The following SORCS1 variants were observed in gnomAD, a reference collection of about 807,000 sequenced individuals.
SORCS1 encodes VPS10 domain-containing receptor SorCS1.
A neutral mutation model predicts 146.1 loss-of-function variants in SORCS1; 60 were observed. The observed-to-expected ratio is 0.41, with a 90% CI of 0.33 to 0.51. The LOEUF (loss-of-function observed/expected upper bound fraction) is 0.51, where lower values mean the gene tolerates loss of function less well. Ranked by LOEUF, SORCS1 falls within the 20% of genes least tolerant of loss-of-function variation. SORCS1 has a pLI of 0.21. For synonymous variants in SORCS1, 637 were observed against 584.0 expected (o/e 1.09, Z -1.31); for missense variants, 1,352 against 1,487.6 (o/e 0.91, Z 1.50).
chr10:106,973,639 T>C (rs1396553111), intron 1 of SORCS1, among the ~76,000 whole-genome samples: 1 of 152,218 alleles, frequency 6.6e-6, no homozygotes, highest in Admixed American at 6.5e-5. Context: ...ATCTATTTTC[T>C]TGAAAATTGA....
intron 19 of SORCS1, 90 bp from the exon 20 acceptor site, chr10:106,620,651 T>C: frequency 4.7e-5 from 68 of 1,461,460 alleles, no homozygotes; most frequent in Non-Finnish European, 6.2e-5. Context: ...CATTTACTCT[T>C]GAAGCCCCCA....
chr10:106,828,894 A>C (rs11193066), intron 3 of SORCS1, among the ~76,000 whole-genome samples: 5,857 of 152,214 alleles, frequency 0.038, 288 homozygotes, highest in East Asian at 0.23. Context: ...AAGACGCCTT[A>C]ACTCTAGTCC....
At chr10:106,636,292 A>G (rs1296646603) in intron 18 of SORCS1, among the ~76,000 whole-genome samples, 1 of 152,084 alleles carries the variant, frequency 6.6e-6, no homozygotes, top group Non-Finnish European at 1.5e-5. Flanking sequence ...AAGGAAAACA[A>G]TTGCTCTACA....
intron 1 of SORCS1, among the ~76,000 whole-genome samples, chr10:107,107,353 C>T (rs1965378100): frequency 6.6e-6 from 1 of 152,172 alleles, no homozygotes; most frequent in Non-Finnish European, 1.5e-5. Context: ...AAATAAGGAA[C>T]ATATTACTAG....
At chr10:106,871,502 C>A (rs1307812072) in intron 2 of SORCS1, among the ~76,000 whole-genome samples, 1 of 152,130 alleles carries the variant, frequency 6.6e-6, no homozygotes, top group East Asian at 1.9e-4. Flanking sequence ...AAATGCCCAC[C>A]AACTACAGAC....
intron 2 of SORCS1, among the ~76,000 whole-genome samples, chr10:106,881,204 C>T (rs1368574662): frequency 6.6e-6 from 1 of 151,966 alleles, no homozygotes; most frequent in East Asian, 1.9e-4. Context: ...GACAGCTAGA[C>T]CTTCATTAAC....
At chr10:106,850,670 T>C (rs957320703) in intron 2 of SORCS1, among the ~76,000 whole-genome samples, 1 of 152,222 alleles carries the variant, frequency 6.6e-6, no homozygotes, top group Non-Finnish European at 1.5e-5. Flanking sequence ...GAGCCTCTAT[T>C]TGGTAAGGTC....
At chr10:106,652,633 C>A (rs1355502132) in intron 17 of SORCS1, 80 bp from the exon 18 acceptor site, 5 of 1,521,056 alleles carry the variant, frequency 3.3e-6, no homozygotes, top group Non-Finnish European at 9.0e-7. Context: ...AGACATAGTG[C>A]CTAGCCCTGA....
intron 1 of SORCS1, among the ~76,000 whole-genome samples, chr10:107,144,279 A>G (rs997044026): frequency 6.6e-6 from 1 of 152,186 alleles, no homozygotes; most frequent in African/African-American, 2.4e-5. Context: ...TTCTCCCCTT[A>G]GACTTTGAAC....
At chr10:107,102,311 T>C (rs570241779) in intron 1 of SORCS1, among the ~76,000 whole-genome samples, 80 of 152,314 alleles carry the variant, frequency 5.3e-4, no homozygotes, top group Non-Finnish European at 8.1e-4. Flanking sequence ...GCCCTTCTCA[T>C]GCAAGCCAAG....
chr10:107,178,004 C>T, the SORCS1 span, among the ~76,000 whole-genome samples: 1 of 151,770 alleles, frequency 6.6e-6, no homozygotes, highest in African/African-American at 2.4e-5. Context: ...CCTGTTGGAG[C>T]ATTGGGGGTG....
chr10:106,635,282 G>A (rs1012167987), intron 18 of SORCS1, among the ~76,000 whole-genome samples: 4 of 152,154 alleles, frequency 2.6e-5, no homozygotes, highest in Non-Finnish European at 5.9e-5. Flanking sequence ...CACCAGGCTC[G>A]TATATCAGAA....
At chr10:107,075,736 A>T (rs1962822617) in intron 1 of SORCS1, among the ~76,000 whole-genome samples, 1 of 152,094 alleles carries the variant, frequency 6.6e-6, no homozygotes, top group African/African-American at 2.4e-5. Flanking sequence ...GTAGCTGGGG[A>T]ACTTACTGAA....
At chr10:107,144,148 G>A (rs1363723888) in intron 1 of SORCS1, among the ~76,000 whole-genome samples, 1 of 151,972 alleles carries the variant, frequency 6.6e-6, no homozygotes, top group East Asian at 1.9e-4. Context: ...TTTTATATTT[G>A]CCAGAAACAT....
chr10:107,071,499 C>G (rs547181876), intron 1 of SORCS1, among the ~76,000 whole-genome samples: 12 of 152,312 alleles, frequency 7.9e-5, no homozygotes, highest in Non-Finnish European at 1.3e-4. Context: ...AGTCATTTCA[C>G]CCCTGGAGCC....
chr10:107,046,830 C>T (rs549822638), intron 1 of SORCS1, among the ~76,000 whole-genome samples: 51 of 152,232 alleles, frequency 3.4e-4, no homozygotes, highest in African/African-American at 1.2e-3. Context: ...CTGGGTCTAC[C>T]AGTTAGCATA....
chr10:106,939,682 T>C (rs1953931500), intron 2 of SORCS1, among the ~76,000 whole-genome samples: 1 of 152,182 alleles, frequency 6.6e-6, no homozygotes, highest in African/African-American at 2.4e-5. Flanking sequence ...AATAAAGCTG[T>C]GCTGAGGAAT....
intron 2 of SORCS1, among the ~76,000 whole-genome samples, chr10:106,945,435 A>ATT (rs1954287527): frequency 6.6e-6 from 1 of 152,204 alleles, no homozygotes; most frequent in Non-Finnish European, 1.5e-5. Context: ...TTGACATAAA[A>ATT]GGACAATCCA....
chr10:106,690,654 G>A (rs184360899), intron 9 of SORCS1, among the ~76,000 whole-genome samples: 1 of 152,340 alleles, frequency 6.6e-6, no homozygotes, highest in African/African-American at 2.4e-5. Flanking sequence ...AAAGTAAAGG[G>A]AATGTGTATC....
Sources: gnomAD v4.1 joint callset for allele counts (sites outside exome capture counted in the v4.1 genomes callset) on GRCh38, gnomAD v4.1.1 for gene constraint, MANE v1.5 for transcripts, NCBI Gene and HGNC (gene_info 2026-07-23, HGNC 2026-07-21) for gene names.